The following CNTNAP2 variants were observed in gnomAD, a reference collection of about 807,000 sequenced individuals.
CNTNAP2 encodes the protein contactin associated protein 2.
A neutral mutation model predicts 155.2 loss-of-function variants in CNTNAP2; 98 were observed. The ratio of observed to expected loss-of-function variants is 0.63; its 90% CI spans 0.54 to 0.75. CNTNAP2 has a LOEUF of 0.75. Among genes scored for constraint, CNTNAP2 ranks in the 30% least tolerant of loss-of-function variants. The pLI, the probability that CNTNAP2 is intolerant of heterozygous loss-of-function variation, is 0.00. For synonymous variants in CNTNAP2, 651 were observed against 631.2 expected, an observed-to-expected ratio of 1.03 and a Z score of -0.47; for missense variants, 1,727 against 1,688.1, an observed-to-expected ratio of 1.02 and a Z score of -0.40.
chr7:147,263,239 C>T (rs1804532141), intron 8 of CNTNAP2, among the ~76,000 whole-genome samples: 1 of 151,914 alleles, frequency 6.6e-6, no homozygotes, highest in Non-Finnish European at 1.5e-5. Flanking sequence ...GCCTGTGGTC[C>T]CAGCTACTCT....
intron 1 of CNTNAP2, among the ~76,000 whole-genome samples, chr7:146,708,656 G>A (rs1484470447): frequency 1.5e-5 from 2 of 136,302 alleles, no homozygotes; most frequent in East Asian, 4.2e-4. Context: ...GAGTGTGGTG[G>A]CGTGATCTCA....
chr7:146,837,986 G>A (rs1803650515), intron 2 of CNTNAP2, among the ~76,000 whole-genome samples: 1 of 152,156 alleles, frequency 6.6e-6, no homozygotes, highest in African/African-American at 2.4e-5. Context: ...GCACAGCATG[G>A]TGTTTCTTCT....
At chr7:147,333,208 T>C (rs543688386) in intron 9 of CNTNAP2, among the ~76,000 whole-genome samples, 2 of 152,274 alleles carry the variant, frequency 1.3e-5, no homozygotes, top group East Asian at 3.9e-4. Flanking sequence ...AAAGTTCCTG[T>C]TCCAGAGAAA....
intron 1 of CNTNAP2, among the ~76,000 whole-genome samples, chr7:146,172,322 G>T (rs1356180797): frequency 6.6e-6 from 1 of 151,858 alleles, no homozygotes; most frequent in Non-Finnish European, 1.5e-5. Context: ...GTGGGTGGAG[G>T]CCAGGGATAC....
chr7:148,357,998 C>T (rs891237756), intron 21 of CNTNAP2, among the ~76,000 whole-genome samples: 2 of 152,170 alleles, frequency 1.3e-5, no homozygotes, highest in Admixed American at 1.3e-4. Context: ...GAAAATATGG[C>T]ACCTTCTTTG....
intron 4 of CNTNAP2, among the ~76,000 whole-genome samples, chr7:147,091,382 G>A (rs935073414): frequency 6.6e-6 from 1 of 151,996 alleles, no homozygotes; most frequent in Non-Finnish European, 1.5e-5. Flanking sequence ...TCTTTGTCGT[G>A]CCAACCCTTG....
intron 1 of CNTNAP2, among the ~76,000 whole-genome samples, chr7:146,242,661 A>C (rs1433397795): frequency 6.6e-6 from 1 of 151,806 alleles, no homozygotes; most frequent in Non-Finnish European, 1.5e-5. Flanking sequence ...AACTCTGCAC[A>C]AACTTTTGAT....
chr7:148,179,095 G>T (rs912482989), intron 18 of CNTNAP2, among the ~76,000 whole-genome samples: 1 of 152,136 alleles, frequency 6.6e-6, no homozygotes, highest in Admixed American at 6.5e-5. Flanking sequence ...CCACCATATC[G>T]GACTGGTTTT....
intron 1 of CNTNAP2, among the ~76,000 whole-genome samples, chr7:146,769,398 AAAG>A (rs954230943): frequency 2.0e-5 from 3 of 152,234 alleles, no homozygotes; most frequent in Admixed American, 6.5e-5. Flanking sequence ...GTACAACAAA[AAAG>A]CAGACTTTTT....
At chr7:146,825,074 G>C (rs996170913) in intron 2 of CNTNAP2, among the ~76,000 whole-genome samples, 4 of 150,906 alleles carry the variant, frequency 2.7e-5, no homozygotes, top group Non-Finnish European at 4.4e-5. Flanking sequence ...TATCTGTCCT[G>C]TGTGTGTGTG....
At chr7:147,067,965 A>T (rs1305454146) in intron 4 of CNTNAP2, among the ~76,000 whole-genome samples, 1 of 152,226 alleles carries the variant, frequency 6.6e-6, no homozygotes, top group Non-Finnish European at 1.5e-5. Context: ...GGCCTAGCCC[A>T]TCGGCGTGTC....
chr7:147,466,343 GTATATTGATAATTTCTTA>G (rs1414860157), intron 10 of CNTNAP2, among the ~76,000 whole-genome samples: 1 of 152,148 alleles, frequency 6.6e-6, no homozygotes, highest in African/African-American at 2.4e-5. Context: ...TATATCAATT[GTATATTGATAATTTCTTA>G]TGGCCAGTTT....
chr7:147,322,501 A>G (rs916489936), intron 9 of CNTNAP2, among the ~76,000 whole-genome samples: 2 of 152,076 alleles, frequency 1.3e-5, no homozygotes, highest in African/African-American at 4.8e-5. Flanking sequence ...ATATTTTTGC[A>G]TCAGTGTTCA....
chr7:148,211,978 T>C (rs992434375), intron 18 of CNTNAP2, among the ~76,000 whole-genome samples: 1 of 152,166 alleles, frequency 6.6e-6, no homozygotes, highest in Non-Finnish European at 1.5e-5. Context: ...AAAAGAATCA[T>C]GCCAATTTTA....
intron 1 of CNTNAP2, among the ~76,000 whole-genome samples, chr7:146,730,198 T>G (rs1801499436): frequency 6.6e-6 from 1 of 152,318 alleles, no homozygotes; most frequent in African/African-American, 2.4e-5. Flanking sequence ...ATATCTAACA[T>G]TTAAAATAAA....
chr7:148,103,283 G>C (rs1269346793), intron 15 of CNTNAP2, among the ~76,000 whole-genome samples: 1 of 151,194 alleles, frequency 6.6e-6, no homozygotes, highest in Non-Finnish European at 1.5e-5. Flanking sequence ...GCAGTACCCA[G>C]CTTGACTTTT....
chr7:148,262,214 T>C (rs1051889655), intron 20 of CNTNAP2, among the ~76,000 whole-genome samples: 13 of 152,150 alleles, frequency 8.5e-5, no homozygotes, highest in South Asian at 4.1e-4. Flanking sequence ...ATTCAGTTAT[T>C]GGGCCTCTTA....
intron 2 of CNTNAP2, among the ~76,000 whole-genome samples, chr7:146,834,165 G>A (rs972922491): frequency 3.6e-4 from 55 of 151,884 alleles, no homozygotes; most frequent in African/African-American, 1.2e-3. Flanking sequence ...CTTGAGTGCC[G>A]CGTTTCTTCA....
chr7:146,917,178 G>C (rs1796410506), intron 3 of CNTNAP2, among the ~76,000 whole-genome samples: 1 of 152,144 alleles, frequency 6.6e-6, no homozygotes, highest in Non-Finnish European at 1.5e-5. Flanking sequence ...TGTGGTCTGA[G>C]AGAGTACTTG....
Sources: gnomAD v4.1 joint callset for allele counts (sites outside exome capture counted in the v4.1 genomes callset) on GRCh38, gnomAD v4.1.1 for gene constraint, MANE v1.5 for transcripts, NCBI Gene and HGNC (gene_info 2026-07-23, HGNC 2026-07-21) for gene names.